The following TET3 variants were observed in gnomAD, a reference collection of about 807,000 sequenced individuals.
The protein encoded by TET3 is tet methylcytosine dioxygenase 3.
In TET3, 19 loss-of-function variants were observed where a neutral mutation model predicts 141.4. The observed-to-expected ratio is 0.13, with a 90% CI of 0.09 to 0.20. TET3 has a LOEUF of 0.20. Ranked by LOEUF, TET3 falls within the 10% of genes least tolerant of loss-of-function variation. The probability of loss-of-function intolerance (pLI) is 1.00; values close to 1 mark genes in which losing one functional copy is unlikely to be tolerated. For missense variants in TET3, 1,874 were observed against 2,356.9 expected (o/e 0.80, Z 4.24); for synonymous variants, 1,043 against 980.9 (o/e 1.06, Z -1.18).
rs74796854 is a variant in TET3 at position 74,088,274 on chromosome 2, G to A, written c.2888+236G>A. On this transcript the variant is annotated intron_variant, in intron 7 of 11. Transcript: ENST00000409262. Reference sequence around the variant, plus strand: ...TGACTTCACCGTTAAACCCCAGGTCGATAACACTGGCACTAATGATATTAG... The same window carrying A: ...TGACTTCACCGTTAAACCCCAGGTCAATAACACTGGCACTAATGATATTAG... Among the ~76,000 whole-genome samples, 1,075 of 152,268 alleles carry A rather than the reference G, an allele frequency of 7.1e-3. 4 individuals carry two copies. Among genetic ancestry groups the A allele is most frequent in the East Asian group, 0.012 (61 of 5,184 alleles).
intron 3 of TET3, among the ~76,000 whole-genome samples, chr2:74,009,646 A>G (rs1363474891): frequency 2.0e-5 from 3 of 152,122 alleles, no homozygotes; most frequent in Admixed American, 6.5e-5. Flanking sequence ...CCATCCTAGG[A>G]CACTCTTCAT....
intron 4 of TET3, among the ~76,000 whole-genome samples, chr2:74,071,367 G>A (rs1285804550): frequency 6.6e-6 from 1 of 152,200 alleles, no homozygotes; most frequent in Non-Finnish European, 1.5e-5. Flanking sequence ...GTGTTGCTGT[G>A]AAAATCTTTG....
At chr2:73,985,585 C>G (rs1003600379) in intron 1 of TET3, among the ~76,000 whole-genome samples, 1 of 150,464 alleles carries the variant, frequency 6.6e-6, no homozygotes, top group Non-Finnish European at 1.5e-5. Context: ...GCCGGGGGCG[C>G]CGGGGCAGTC....
chr2:73,998,799 G>GT (rs1006058940), intron 2 of TET3, among the ~76,000 whole-genome samples: 80 of 151,194 alleles, frequency 5.3e-4, no homozygotes, highest in East Asian at 1.4e-3. Context: ...GGGGTGTTGG[G>GT]TTTTTTTTTG....
chr2:74,008,916 A>G (rs1451286428), intron 3 of TET3, among the ~76,000 whole-genome samples: 1 of 152,070 alleles, frequency 6.6e-6, no homozygotes, highest in Non-Finnish European at 1.5e-5. Flanking sequence ...GGATTTCTCA[A>G]CCCCGCCTCC....
In TET3 at chr2:74,101,104, CAGG is replaced by C. The variant is rs1490611546; in HGVS notation, c.4320_4322del (p.Gly1441del). The C allele has an allele frequency of 1.2e-6, 2 of 1,613,212 alleles. No individual in the cohort carries two copies. The highest frequency in any genetic ancestry group is 1.7e-6 in the Non-Finnish European group (2 of 1,179,616). ...CCCAGTCACCTTTGGGGACAGTACTCAGGAGGCCCAAGCATGTCCCCCAAGAGG... is the reference window on the plus strand; with the variant it reads ...CCCAGTCACCTTTGGGGACAGTACTCAGGCCCAAGCATGTCCCCCAAGAGG... On this transcript the variant is annotated inframe_deletion, in exon 12 of 12. Coordinates refer to ENST00000409262, the MANE Select transcript of TET3 (RefSeq NM_001287491.2). The surrounding 1 kb of genome is among the most constrained non-coding windows in gnomAD (Gnocchi z 8.5).
intron 3 of TET3, among the ~76,000 whole-genome samples, chr2:74,034,931 C>A (rs1049669936): frequency 6.6e-6 from 1 of 151,338 alleles, no homozygotes; most frequent in Non-Finnish European, 1.5e-5. Context: ...AGTGGCTATG[C>A]CTGTAATCCC....
chr2:74,067,436 C>T (rs1688969397), intron 4 of TET3, among the ~76,000 whole-genome samples: 1 of 152,098 alleles, frequency 6.6e-6, no homozygotes, highest in Admixed American at 6.5e-5. Context: ...GTGCTAAGCC[C>T]TTTGTGTATT....
intron 7 of TET3, among the ~76,000 whole-genome samples, chr2:74,089,360 A>C (rs1690345912): frequency 6.6e-6 from 1 of 152,176 alleles, no homozygotes; most frequent in Admixed American, 6.5e-5. Context: ...AATGAGTCGT[A>C]ATCCACTGTG....
chr2:74,011,541 T>C (rs1224300215), intron 3 of TET3, among the ~76,000 whole-genome samples: 1 of 152,208 alleles, frequency 6.6e-6, no homozygotes. Context: ...GGGTTCCCCC[T>C]GTGATAGGGC....
chr2:74,108,752 C>T (rs1288897503), downstream of TET3, among the ~76,000 whole-genome samples: 1 of 152,166 alleles, frequency 6.6e-6, no homozygotes, highest in Non-Finnish European at 1.5e-5. Flanking sequence ...AGTGAATCTG[C>T]TTGCTCTTCC....
At position 74,099,386 on chromosome 2, in the gene TET3, C is replaced by T. The variant is rs533848745; in HGVS notation, c.3378C>T (p.Ser1126=). ...TGGCCAACACGGATGAGTTTGGTAG[C>T]GAGGAGAACCAGAATGCAAAGGTGG... ...YKMANTDEFG[S]EENQNAKVGS... is the part of the protein sequence containing the mutation. Residue 1126 remains serine, a synonymous_variant, in exon 11 of 12, where the codon AGC becomes AGT. Coordinates refer to ENST00000409262, the MANE Select transcript of TET3 (RefSeq NM_001287491.2). 214 of 1,613,956 alleles carry T rather than the reference C, an allele frequency of 1.3e-4. No homozygotes were observed. The highest frequency in any genetic ancestry group is 5.7e-4 in the South Asian group (52 of 91,078).
chr2:74,034,883 C>T (rs1241272828), intron 3 of TET3, among the ~76,000 whole-genome samples: 1 of 151,928 alleles, frequency 6.6e-6, no homozygotes, highest in Admixed American at 6.6e-5. Context: ...GCCTTCCTGC[C>T]AGTGAGGTAT....
At chr2:73,990,525 A>G (rs958762695) in intron 2 of TET3, among the ~76,000 whole-genome samples, 2 of 152,192 alleles carry the variant, frequency 1.3e-5, no homozygotes, top group African/African-American at 2.4e-5. Context: ...CTGACTGAAA[A>G]GTTGACCATG....
At chr2:74,123,964 G>A in the TET3 span, among the ~76,000 whole-genome samples, 18 of 150,250 alleles carry the variant, frequency 1.2e-4, no homozygotes, top group Non-Finnish European at 1.8e-4. Context: ...CCATCTGGGA[G>A]GTGAGGAGCG....
rs149608658 is a variant in TET3, at chr2:74,015,302, G to T, written c.360+12136G>T. Among the ~76,000 whole-genome samples the T allele has an allele frequency of 3.6e-3, 545 of 152,294 alleles. 3 individuals are homozygous for T. Among genetic ancestry groups the T allele is most frequent in the African/African-American group, 0.013 (526 of 41,552 alleles). On this transcript the variant is annotated intron_variant, in intron 3 of 11. Transcript: ENST00000409262. ...ATTGTTTTTTTCCAAAATGCAGAAA[G>T]TTTTGAATTTTAAATGAGAATAATG...
At chr2:74,007,837 A>C (rs1004944215) in intron 3 of TET3, among the ~76,000 whole-genome samples, 1 of 152,172 alleles carries the variant, frequency 6.6e-6, no homozygotes, top group African/African-American at 2.4e-5. Context: ...CAGTGTTCCC[A>C]AAAGATTGCA....
chr2:74,085,631 A>T (rs922641886), intron 6 of TET3, among the ~76,000 whole-genome samples: 1 of 151,774 alleles, frequency 6.6e-6, no homozygotes, highest in Non-Finnish European at 1.5e-5. Flanking sequence ...TCACATGCGC[A>T]GTTCATGCTC....
intron 3 of TET3, among the ~76,000 whole-genome samples, chr2:74,017,238 A>G (rs1046253596): frequency 2.0e-5 from 3 of 152,128 alleles, no homozygotes; most frequent in Non-Finnish European, 4.4e-5. Context: ...GTAGTGAGCT[A>G]TTTTCACACC....
Sources: gnomAD v4.1 joint callset for allele counts (sites outside exome capture counted in the v4.1 genomes callset) on GRCh38, gnomAD v4.1.1 for gene constraint, Gnocchi (gnomAD v3.1) non-coding constraint, MANE v1.5 for transcripts, NCBI Gene and HGNC (gene_info 2026-07-23, HGNC 2026-07-21) for gene names.